The following RHOQ variants were observed in gnomAD, a reference collection of about 807,000 sequenced individuals.
RHOQ encodes the protein rho-related GTP-binding protein RhoQ.
In RHOQ, 7 loss-of-function variants were observed where a neutral mutation model predicts 25.8. The observed-to-expected ratio is 0.27, with a 90% CI of 0.15 to 0.51. RHOQ has a LOEUF of 0.51. Ranked by LOEUF, RHOQ falls within the 20% of genes least tolerant of loss-of-function variation. RHOQ has a pLI of 0.97. For synonymous variants in RHOQ, 97 were observed against 98.6 expected (o/e 0.98, Z 0.10); for missense variants, 165 against 260.6 (o/e 0.63, Z 2.53).
intron 2 of RHOQ, among the ~76,000 whole-genome samples, chr2:46,565,608 C>G (rs746933290): frequency 6.6e-6 from 1 of 152,202 alleles, no homozygotes; most frequent in African/African-American, 2.4e-5. Context: ...TAACCTGTTA[C>G]TGGAGAGAAT....
chr2:46,560,597 C>A, intron 2 of RHOQ: 1 of 456,248 alleles, frequency 2.2e-6, no homozygotes. Context: ...CACGTGATCA[C>A]GTTTTCCTTC....
At chr2:46,563,192 G>A (rs1026745831) in intron 2 of RHOQ, among the ~76,000 whole-genome samples, 1 of 152,140 alleles carries the variant, frequency 6.6e-6, no homozygotes, top group Non-Finnish European at 1.5e-5. Flanking sequence ...ACAAAGAGGG[G>A]TTGTGTGGGA....
At chr2:46,554,948 T>G (rs1668365911) in intron 2 of RHOQ, among the ~76,000 whole-genome samples, 1 of 152,178 alleles carries the variant, frequency 6.6e-6, no homozygotes, top group Non-Finnish European at 1.5e-5. Flanking sequence ...CAATTAAAAT[T>G]CCATTTAATC....
chr2:46,554,907 T>C (rs1327476828), intron 2 of RHOQ, among the ~76,000 whole-genome samples: 1 of 151,988 alleles, frequency 6.6e-6, no homozygotes, highest in South Asian at 2.1e-4. Context: ...GAGCAGCCAC[T>C]GAGAGAGCAT....
chr2:46,546,470 ATATGTG>A lies in RHOQ; in HGVS notation c.201+2662_201+2667del, dbSNP rs1214617676. 1.6e-3 allele frequency among the ~76,000 whole-genome samples: 25 copies of A among 15,702 alleles called. 1 individual carries two copies. Among genetic ancestry groups the A allele is most frequent in the South Asian group, 0.012 (3 of 242 alleles). The allele number at this position is 15,702 out of a possible 152,430, so 10.3% of individuals were successfully genotyped here. Reference sequence around the variant, plus strand: ...CATATACATATATATATATATATATATATGTGTATATATATATATATATATATATAT... The same window carrying A: ...CATATACATATATATATATATATATATATATATATATATATATATATATAT... On this transcript the variant is annotated intron_variant, in intron 2 of 4. Transcript: ENST00000238738.
intron 2 of RHOQ, among the ~76,000 whole-genome samples, chr2:46,572,444 C>T (rs189376337): frequency 1.4e-3 from 206 of 151,464 alleles, no homozygotes; most frequent in African/African-American, 4.2e-3. Flanking sequence ...TATCACATAT[C>T]GAGGACTCTT....
chr2:46,553,405 G>A (rs1668303304), intron 2 of RHOQ, among the ~76,000 whole-genome samples: 1 of 152,064 alleles, frequency 6.6e-6, no homozygotes, highest in Admixed American at 6.5e-5. Context: ...TTAGATACAG[G>A]CATGCAATGT....
chr2:46,559,592 G>T (rs1668508050), intron 2 of RHOQ, among the ~76,000 whole-genome samples: 1 of 152,114 alleles, frequency 6.6e-6, no homozygotes, highest in South Asian at 2.1e-4. Flanking sequence ...TTGTTTAGCA[G>T]CATCCCCAGC....
In RHOQ at chr2:46,581,571, C is replaced by T. The variant is rs186205049; in HGVS notation, c.*488C>T. 408 of 1,611,212 alleles carry T rather than the reference C, an allele frequency of 2.5e-4. 1 individual carries two copies. The East Asian group carries it at 7.6e-3, about 30-fold the overall frequency. Reference sequence around the variant, plus strand: ...CCACGTAGCCAAAGGTCGCTCCAAGCGTACAGGAGATGGGCCATACCTGAG... The same window carrying T: ...CCACGTAGCCAAAGGTCGCTCCAAGTGTACAGGAGATGGGCCATACCTGAG... On this transcript the variant is annotated 3_prime_UTR_variant, in exon 5 of 5. Coordinates refer to ENST00000238738, the MANE Select transcript of RHOQ (RefSeq NM_012249.4).
intron 1 of RHOQ, chr2:46,543,435 C>T: frequency 1.7e-6 from 1 of 601,532 alleles, no homozygotes; most frequent in Non-Finnish European, 2.9e-6. Flanking sequence ...CCCTCGGCGC[C>T]CTGGGCCGTC....
chr2:46,569,114 G>C lies in RHOQ; in HGVS notation c.202-6973G>C, dbSNP rs1311278165. 2 of 152,228 alleles carry C rather than the reference G, an allele frequency of 1.3e-5. No individual in the cohort carries two copies. Among genetic ancestry groups the C allele is most frequent in the Non-Finnish European group, 2.9e-5 (2 of 68,052 alleles). 9.4% of individuals were successfully genotyped at this position (152,228 alleles called of 1,614,324 possible). A position where few individuals can be genotyped will look rare whatever the true frequency, so the allele number is the denominator to read the frequency against. ...CAGAAGAAATAGCACTGGCTCCGAA[G>C]TTGTGGTTTGTCTTTTTTTGGAAAG... On this transcript the variant is annotated intron_variant, in intron 2 of 4. Transcript: ENST00000238738. This position sits in a 1 kb window ranked among gnomAD's most constrained non-coding sequence, Gnocchi z 4.1.
At chr2:46,572,387 G>A (rs1558691218) in intron 2 of RHOQ, among the ~76,000 whole-genome samples, 1 of 152,012 alleles carries the variant, frequency 6.6e-6, no homozygotes, top group Non-Finnish European at 1.5e-5. Flanking sequence ...ACAGGTGTGA[G>A]CCACCGCACC....
chr2:46,566,629 C>T lies in RHOQ; in HGVS notation c.202-9458C>T, dbSNP rs538987872. Among the ~76,000 whole-genome samples the T allele has an allele frequency of 2.6e-5, 4 of 152,162 alleles. No individual in the cohort carries two copies. The highest frequency in any genetic ancestry group is 4.8e-5 in the African/African-American group (2 of 41,518). On this transcript the variant is annotated intron_variant, in intron 2 of 4. Transcript: ENST00000238738. The surrounding 1 kb of genome is among the most constrained non-coding windows in gnomAD (Gnocchi z 4.2). ...AATTTTGTGACTTTTTTGCGGGGGT[C>T]GGGGGCTCACCTTTTAATGACTTTC...
chr2:46,567,795 G>A (rs1001897601), intron 2 of RHOQ, among the ~76,000 whole-genome samples: 1 of 152,146 alleles, frequency 6.6e-6, no homozygotes, highest in African/African-American at 2.4e-5. Flanking sequence ...CGTGGCTCAT[G>A]CCTATAATCC....
rs1210568745 is a variant in RHOQ at position 46,555,950 on chromosome 2, T to G, written c.201+12138T>G. Among the ~76,000 whole-genome samples, 1 of 152,228 alleles carries G rather than the reference T, an allele frequency of 6.6e-6. No individual in the cohort carries two copies. The highest frequency in any genetic ancestry group is 1.5e-5 in the Non-Finnish European group (1 of 68,036). On this transcript the variant is annotated intron_variant, in intron 2 of 4. Coordinates refer to ENST00000238738, the MANE Select transcript of RHOQ (RefSeq NM_012249.4). The surrounding 1 kb of genome is among the most constrained non-coding windows in gnomAD (Gnocchi z 4.3). ...AGAAATTGCTGGTGTGTCAAACTGC[T>G]TGATATGTAAGTTTCCTCCTCTTTC...
Position 46,552,083 on chromosome 2 carries a change from C to T in RHOQ, c.201+8271C>T, listed in dbSNP as rs1213274960. ...TTTTATCACATGCACTGTTGTTCAG[C>T]GTTTCATGTAAAAGGTACATTCCAA... On this transcript the variant is annotated intron_variant, in intron 2 of 4. Coordinates refer to ENST00000238738, the MANE Select transcript of RHOQ (RefSeq NM_012249.4). This position sits in a 1 kb window ranked among gnomAD's most constrained non-coding sequence, Gnocchi z 5.0. Among the ~76,000 whole-genome samples the T allele has an allele frequency of 2.0e-5, 3 of 152,212 alleles. No homozygotes were observed. Among genetic ancestry groups the T allele is most frequent in the Non-Finnish European group, 2.9e-5 (2 of 68,042 alleles).
intron 2 of RHOQ, among the ~76,000 whole-genome samples, chr2:46,545,884 A>C (rs1028146022): frequency 2.0e-5 from 3 of 152,092 alleles, no homozygotes; most frequent in Admixed American, 2.0e-4. Context: ...CTTTCCATAT[A>C]TGGCCGTAAT....
intron 1 of RHOQ, 51 bp downstream of exon 1, chr2:46,543,239 T>C (rs376392264): frequency 1.7e-5 from 28 of 1,605,714 alleles, no homozygotes; most frequent in Admixed American, 1.3e-4. Flanking sequence ...CCGGGAACTT[T>C]GGAGCAACTT....
At chr2:46,574,874 A>G (rs564140526) in intron 2 of RHOQ, among the ~76,000 whole-genome samples, 2 of 152,346 alleles carry the variant, frequency 1.3e-5, no homozygotes, top group African/African-American at 4.8e-5. Context: ...TGTTTTTAAT[A>G]TTCCCTTAGT....
Sources: gnomAD v4.1 joint callset for allele counts (sites outside exome capture counted in the v4.1 genomes callset) on GRCh38, gnomAD v4.1.1 for gene constraint, Gnocchi (gnomAD v3.1) non-coding constraint, MANE v1.5 for transcripts, NCBI Gene and HGNC (gene_info 2026-07-23, HGNC 2026-07-21) for gene names.